SAMD12: variants seen among roughly 807,000 people sequenced by gnomAD.
The protein encoded by SAMD12 is sterile alpha motif domain containing 12, also known as sterile alpha motif domain-containing protein 12.
In SAMD12, 9 loss-of-function variants were observed where a neutral mutation model predicts 15.0. The ratio of observed to expected loss-of-function variants is 0.60; its 90% CI spans 0.36 to 1.05. The LOEUF (loss-of-function observed/expected upper bound fraction) is 1.05, where lower values mean the gene tolerates loss of function less well. Among genes scored for constraint, SAMD12 ranks in the 50% least tolerant of loss-of-function variants. The probability of loss-of-function intolerance (pLI) is 0.01; values close to 1 mark genes in which losing one functional copy is unlikely to be tolerated. For missense variants in SAMD12, 230 were observed against 234.2 expected, an observed-to-expected ratio of 0.98 and a Z score of 0.12; for synonymous variants, 86 against 90.1, an observed-to-expected ratio of 0.96 and a Z score of 0.25.
intron 2 of SAMD12, among the ~76,000 whole-genome samples, chr8:118,495,069 T>C (rs534989060): frequency 1.3e-5 from 2 of 152,308 alleles, no homozygotes; most frequent in East Asian, 1.9e-4. Flanking sequence ...ATAAAGTGCA[T>C]GACACAAGTG....
At chr8:118,504,750 A>T (rs1391916832) in intron 2 of SAMD12, among the ~76,000 whole-genome samples, 3 of 152,214 alleles carry the variant, frequency 2.0e-5, no homozygotes, top group African/African-American at 7.2e-5. Context: ...AAACATATAG[A>T]AGAGAAGACA....
chr8:118,334,197 C>T (rs1301359067), intron 4 of SAMD12, among the ~76,000 whole-genome samples: 3 of 152,140 alleles, frequency 2.0e-5, no homozygotes, highest in Non-Finnish European at 4.4e-5. Flanking sequence ...ATTTATTTAA[C>T]AACCCGTTAT....
the SAMD12 span, among the ~76,000 whole-genome samples, chr8:118,176,255 C>T: frequency 1.3e-5 from 2 of 151,906 alleles, no homozygotes; most frequent in Admixed American, 6.6e-5. Flanking sequence ...GAGCCGAGAT[C>T]GTGCCACTGC....
At chr8:118,295,357 A>AT (rs1196090328) in intron 4 of SAMD12, among the ~76,000 whole-genome samples, 2 of 152,212 alleles carry the variant, frequency 1.3e-5, no homozygotes, top group Non-Finnish European at 2.9e-5. Context: ...TATAGATAAC[A>AT]TTTTTTATCA....
chr8:118,597,304 AC>A (rs1293611737), intron 1 of SAMD12, among the ~76,000 whole-genome samples: 1 of 152,170 alleles, frequency 6.6e-6, no homozygotes, highest in Non-Finnish European at 1.5e-5. Context: ...AGAAGGATGT[AC>A]TGTAGTGCAA....
chr8:118,462,497 T>C lies in SAMD12; in HGVS notation c.193-22536A>G, dbSNP rs1024155750. Among the ~76,000 whole-genome samples the C allele has an allele frequency of 3.3e-5, 5 of 152,218 alleles. No homozygotes were observed. The South Asian group carries it at 6.2e-4, about 19-fold the overall frequency. On this transcript the variant is annotated intron_variant, in intron 2 of 3. Transcript: ENST00000314727. ...CCGGATACTCTGATTCTGGCAACCA[T>C]GGATCATTAAAAAGGAAATAAGCAG... is the stretch of plus-strand genomic sequence containing the variant.
intron 2 of SAMD12, among the ~76,000 whole-genome samples, chr8:118,543,406 A>G (rs1352265511): frequency 6.6e-6 from 1 of 152,132 alleles, no homozygotes; most frequent in Admixed American, 6.5e-5. Flanking sequence ...CCTTCATTTC[A>G]AAGCCTAAAG....
chr8:118,229,093 A>C (rs189420946), intron 4 of SAMD12, among the ~76,000 whole-genome samples: 236 of 152,274 alleles, frequency 1.5e-3, no homozygotes, highest in Non-Finnish European at 2.4e-3. Flanking sequence ...ATGAGAACGC[A>C]AAGGCATAAG....
In SAMD12 at chr8:118,286,039, C is replaced by T. The variant is rs147968002; in HGVS notation, c.434-88307G>A. ...GTAGGGACATGGATGAAGCTGGAAA[C>T]CATCATTCTTAGCAAATTATTGCAA... On this transcript the variant is annotated intron_variant, in intron 4 of 4. Coordinates refer to the SAMD12 transcript ENST00000409003. 6.6e-3 allele frequency among the ~76,000 whole-genome samples: 999 copies of T among 152,050 alleles called. 13 individuals are homozygous for T. The highest frequency in any genetic ancestry group is 0.023 in the African/African-American group (952 of 41,456).
intron 2 of SAMD12, among the ~76,000 whole-genome samples, chr8:118,559,680 A>G (rs1826651460): frequency 6.6e-6 from 1 of 152,222 alleles, no homozygotes; most frequent in Non-Finnish European, 1.5e-5. Flanking sequence ...GTTTGCTGTA[A>G]TTAAAAACAT....
At chr8:118,213,458 CA>C (rs1356764054) in intron 4 of SAMD12, among the ~76,000 whole-genome samples, 1 of 152,210 alleles carries the variant, frequency 6.6e-6, no homozygotes. Context: ...GCTGAACAAG[CA>C]GCCAACTGCC....
rs982842927 is a variant in SAMD12 at position 118,475,384 on chromosome 8, A to G, written c.193-35423T>C. ...CAGCTTGTGGCCCCTCACTAGATGC[A>G]GATGCCAGGGCCATCCTTCCTGTGC... On this transcript the variant is annotated intron_variant, in intron 2 of 3. Transcript: ENST00000314727. Among the ~76,000 whole-genome samples, 33 of 152,202 alleles carry G rather than the reference A, an allele frequency of 2.2e-4. 1 individual carries two copies. The highest frequency in any genetic ancestry group is 6.8e-4 in the African/African-American group (28 of 41,444).
chr8:118,187,620 A>G (rs1401718510), downstream of SAMD12, among the ~76,000 whole-genome samples: 2 of 152,178 alleles, frequency 1.3e-5, no homozygotes, highest in Non-Finnish European at 2.9e-5. Context: ...ATCAAAATAT[A>G]GCTACAATGT....
chr8:118,427,372 C>T (rs1822264078), intron 3 of SAMD12, among the ~76,000 whole-genome samples: 1 of 152,180 alleles, frequency 6.6e-6, no homozygotes, highest in Non-Finnish European at 1.5e-5. Flanking sequence ...CAATAAATCC[C>T]ACATATTTGA....
intron 1 of SAMD12, 135 bp from the exon 2 acceptor site, chr8:118,581,028 T>A (rs1827284823): frequency 1.6e-6 from 1 of 606,434 alleles, no homozygotes; most frequent in Non-Finnish European, 2.8e-6. Flanking sequence ...ATTACTACGA[T>A]AAATAATATG....
intron 2 of SAMD12, among the ~76,000 whole-genome samples, chr8:118,505,163 C>G (rs1011162879): frequency 6.6e-6 from 1 of 152,122 alleles, no homozygotes; most frequent in African/African-American, 2.4e-5. Flanking sequence ...GTATCTGGCA[C>G]TAGTTGGAAT....
the SAMD12 span, among the ~76,000 whole-genome samples, chr8:118,174,660 C>A: frequency 6.6e-6 from 1 of 151,860 alleles, no homozygotes. Context: ...TTCCACTGCA[C>A]AAAATAAAGC....
At chr8:118,331,619 C>T (rs751043608) in intron 4 of SAMD12, among the ~76,000 whole-genome samples, 33 of 152,148 alleles carry the variant, frequency 2.2e-4, no homozygotes, top group Non-Finnish European at 2.2e-4. Flanking sequence ...GGCTCTAGAT[C>T]GCCAATGTTC....
chr8:118,542,509 T>A lies in SAMD12; in HGVS notation c.192+38206A>T, dbSNP rs1211984283. Among the ~76,000 whole-genome samples the A allele has an allele frequency of 3.9e-5, 6 of 152,218 alleles. 1 individual carries two copies. The South Asian group carries it at 1.2e-3, about 31-fold the overall frequency. Reference sequence around the variant, plus strand: ...TCCAGTTTCTAAGGGAATGTGGTTCTAAGGGCATTTGGAGATGGGGAGAGC... The same window carrying A: ...TCCAGTTTCTAAGGGAATGTGGTTCAAAGGGCATTTGGAGATGGGGAGAGC... On this transcript the variant is annotated intron_variant, in intron 2 of 3. Transcript: ENST00000314727.
Sources: gnomAD v4.1 joint callset for allele counts (sites outside exome capture counted in the v4.1 genomes callset) on GRCh38, gnomAD v4.1.1 for gene constraint, MANE v1.5 for transcripts, NCBI Gene and HGNC (gene_info 2026-07-23, HGNC 2026-07-21) for gene names.